The following KIAA0825 variants were observed in gnomAD, a reference collection of about 807,000 sequenced individuals.
The protein encoded by KIAA0825 is KIAA0825.
A neutral mutation model predicts 147.6 loss-of-function variants in KIAA0825; 119 were observed. The ratio of observed to expected loss-of-function variants is 0.81; its 90% CI spans 0.69 to 0.94. KIAA0825 has a LOEUF of 0.94. KIAA0825 is among the 40% of genes least tolerant of loss of function. KIAA0825 has a pLI of 0.00. For synonymous variants in KIAA0825, 470 were observed against 518.1 expected (o/e 0.91, Z 1.26); for missense variants, 1,381 against 1,472.7 (o/e 0.94, Z 1.02).
chr5:94,299,917 AT>A (rs11417963), intron 20 of KIAA0825, among the ~76,000 whole-genome samples: 2 of 151,846 alleles, frequency 1.3e-5, no homozygotes, highest in Non-Finnish European at 2.9e-5. Context: ...TCTTTCTTAG[AT>A]TTTTTTATAG....
chr5:94,168,200 G>T (rs1768241120), intron 20 of KIAA0825, among the ~76,000 whole-genome samples: 1 of 151,966 alleles, frequency 6.6e-6, no homozygotes, highest in South Asian at 2.1e-4. Flanking sequence ...CTTAAGCCAA[G>T]ATTTTGTTAT....
intron 20 of KIAA0825, among the ~76,000 whole-genome samples, chr5:94,173,404 T>C (rs756687781): frequency 5.8e-4 from 89 of 152,292 alleles, no homozygotes; most frequent in Non-Finnish European, 9.6e-4. Context: ...GCATCTTTAT[T>C]CACATATCTA....
At chr5:94,334,410 A>G (rs1781591053) in intron 20 of KIAA0825, among the ~76,000 whole-genome samples, 1 of 152,270 alleles carries the variant, frequency 6.6e-6, no homozygotes. Context: ...TTACCTTCCA[A>G]TAAACAAATT....
chr5:94,437,529 T>C (rs1436671291), intron 14 of KIAA0825, among the ~76,000 whole-genome samples: 2 of 152,210 alleles, frequency 1.3e-5, no homozygotes, highest in African/African-American at 4.8e-5. Context: ...ATGATACCTT[T>C]GATAACTCCA....
intron 20 of KIAA0825, among the ~76,000 whole-genome samples, chr5:94,291,943 A>G (rs1777915944): frequency 6.6e-6 from 1 of 152,056 alleles, no homozygotes; most frequent in African/African-American, 2.4e-5. Flanking sequence ...AATGCTTGTG[A>G]TTTTCGCACA....
intron 2 of KIAA0825, among the ~76,000 whole-genome samples, chr5:94,554,085 G>A (rs150557995): frequency 3.3e-5 from 5 of 152,266 alleles, no homozygotes; most frequent in East Asian, 1.9e-4. Flanking sequence ...TAAAATGTGC[G>A]GCAGCAAGAT....
intron 20 of KIAA0825, among the ~76,000 whole-genome samples, chr5:94,321,849 G>A (rs1199497704): frequency 6.6e-6 from 1 of 151,758 alleles, no homozygotes; most frequent in Non-Finnish European, 1.5e-5. Context: ...TGATACTGAA[G>A]GTATAGAATT....
intron 20 of KIAA0825, among the ~76,000 whole-genome samples, chr5:94,219,373 A>G (rs781716378): frequency 1.2e-4 from 18 of 152,052 alleles, no homozygotes; most frequent in Non-Finnish European, 2.5e-4. Flanking sequence ...CCCACCACTC[A>G]CCTCCTGCTG....
intron 20 of KIAA0825, among the ~76,000 whole-genome samples, chr5:94,188,664 T>C (rs972083418): frequency 3.3e-5 from 5 of 152,180 alleles, no homozygotes; most frequent in African/African-American, 1.2e-4. Context: ...CATTGTTTAT[T>C]CGTTCAACAG....
At chr5:94,364,092 T>G (rs1387115786) in intron 20 of KIAA0825, among the ~76,000 whole-genome samples, 2 of 151,694 alleles carry the variant, frequency 1.3e-5, no homozygotes, top group African/African-American at 4.8e-5. Context: ...GAGCTATCAG[T>G]CTATTTAGGG....
chr5:94,278,058 A>T (rs915154439), intron 20 of KIAA0825, among the ~76,000 whole-genome samples: 4 of 152,160 alleles, frequency 2.6e-5, no homozygotes, highest in African/African-American at 9.6e-5. Context: ...TGGGAGCTGA[A>T]CAGTGAGAAC....
At chr5:94,251,069 A>T (rs542294782) in intron 20 of KIAA0825, among the ~76,000 whole-genome samples, 1 of 151,960 alleles carries the variant, frequency 6.6e-6, no homozygotes, top group South Asian at 2.1e-4. Context: ...CCAATTAGAC[A>T]TCTCTATTTC....
At chr5:94,563,146 C>T (rs1181789406) in intron 2 of KIAA0825, among the ~76,000 whole-genome samples, 1 of 151,530 alleles carries the variant, frequency 6.6e-6, no homozygotes, top group South Asian at 2.1e-4. Flanking sequence ...TCGAGACCGT[C>T]CTGGCTAACA....
intron 20 of KIAA0825, among the ~76,000 whole-genome samples, chr5:94,315,837 C>G (rs1779606068): frequency 6.6e-6 from 1 of 151,682 alleles, no homozygotes; most frequent in Admixed American, 6.6e-5. Context: ...CCAAATTTTT[C>G]TATTCCTTAA....
intron 20 of KIAA0825, among the ~76,000 whole-genome samples, chr5:94,155,428 C>A (rs1285074942): frequency 6.6e-6 from 1 of 151,896 alleles, no homozygotes; most frequent in Non-Finnish European, 1.5e-5. Flanking sequence ...CTATGTTGCC[C>A]AGGCTCATCT....
At chr5:94,514,754 T>C (rs976758757) in intron 5 of KIAA0825, among the ~76,000 whole-genome samples, 5 of 152,212 alleles carry the variant, frequency 3.3e-5, no homozygotes, top group African/African-American at 1.2e-4. Flanking sequence ...TGGCCTACTT[T>C]CTAATAGTGA....
At chr5:94,568,648 C>G (rs73773684) in intron 2 of KIAA0825, 3,024 of 152,542 alleles carry the variant, frequency 0.02, 103 homozygotes, top group African/African-American at 0.069. Flanking sequence ...ACCTCAACTA[C>G]TTAACCAACA....
At chr5:94,293,482 G>T (rs893464583) in intron 20 of KIAA0825, among the ~76,000 whole-genome samples, 1 of 152,156 alleles carries the variant, frequency 6.6e-6, no homozygotes, top group African/African-American at 2.4e-5. Flanking sequence ...GAGACTGTTT[G>T]TTATGATTTC....
intron 1 of KIAA0825, among the ~76,000 whole-genome samples, chr5:94,600,862 C>T (rs1275264141): frequency 1.3e-5 from 2 of 152,136 alleles, no homozygotes; most frequent in Admixed American, 1.3e-4. Context: ...ATGGGACTTC[C>T]TAAATGGGGG....
Sources: gnomAD v4.1 joint callset for allele counts (sites outside exome capture counted in the v4.1 genomes callset) on GRCh38, gnomAD v4.1.1 for gene constraint, MANE v1.5 for transcripts, NCBI Gene and HGNC (gene_info 2026-07-23, HGNC 2026-07-21) for gene names.